Variants in ZNF846 observed in about 807,000 individuals in gnomAD.
ZNF846 encodes zinc finger protein 846, also known as zinc finger protein 420 pseudogene.
ZNF846 carries 15 observed loss-of-function variants against 16.0 expected under a neutral mutation model. That is an observed-to-expected ratio of 0.94 (90% CI 0.63 to 1.45). The LOEUF (loss-of-function observed/expected upper bound fraction) is 1.45. Ranked by LOEUF, ZNF846 falls within the 40% of genes most tolerant of loss-of-function variation. The pLI is 0.00. For missense variants in ZNF846, 714 were observed against 622.3 expected, an observed-to-expected ratio of 1.15 and a Z score of -1.57; for synonymous variants, 229 against 212.0, an observed-to-expected ratio of 1.08 and a Z score of -0.70.
intron 3 of ZNF846, 39 bp from the exon 4 acceptor site, chr19:9,762,207 G>T (rs764436826): frequency 1.1e-5 from 16 of 1,505,088 alleles, no homozygotes; most frequent in Non-Finnish European, 1.5e-5. Flanking sequence ...GCCCATGCAA[G>T]ACATAACACC....
At chr19:9,757,981 A>G in exon 6 of ZNF846, 3 of 1,613,700 alleles carry the variant, frequency 1.9e-6, no homozygotes, top group Non-Finnish European at 2.5e-6. Context: ...TTACATAAAT[A>G]CAGCTTCTCT....
intron 3 of ZNF846, among the ~76,000 whole-genome samples, chr19:9,762,944 G>A (rs1389534958): frequency 6.6e-6 from 1 of 152,150 alleles, no homozygotes; most frequent in African/African-American, 2.4e-5. Flanking sequence ...CAGAGTTTGA[G>A]ACCAGCCTGG....
At chr19:9,756,345 G>GTGTGTATATATGTATA, downstream of ZNF846, 1 of 81,772 alleles carries the variant, frequency 1.2e-5, no homozygotes, top group South Asian at 4.7e-4. Flanking sequence ...GTGTGTGTGT[G>GTGTGTATATATGTATA]TATATATATA....
intron 1 of ZNF846, among the ~76,000 whole-genome samples, chr19:9,775,191 A>ATGTGTG (rs1418132635): frequency 7.4e-5 from 10 of 135,706 alleles, no homozygotes; most frequent in African/African-American, 2.4e-4. Context: ...ATGTGTATAT[A>ATGTGTG]TATGTGTGTG....
intron 4 of ZNF846, among the ~76,000 whole-genome samples, chr19:9,760,630 G>A (rs1225732257): frequency 4.0e-5 from 6 of 151,240 alleles, no homozygotes; most frequent in African/African-American, 1.2e-4. Flanking sequence ...GAAACCAGGA[G>A]GCAGAGGTTG....
In ZNF846 at chr19:9,766,246, C is replaced by G. The variant is rs924813038; in HGVS notation, c.-85-1211G>C. On this transcript the variant is annotated intron_variant, in intron 1 of 5. Transcript: ENST00000397902. ...ATCAGCCTGGTCAACATGGTGAAAC[C>G]CCATCTCTACTAAAAATACAAAGAA... 2.0e-5 allele frequency among the ~76,000 whole-genome samples: 3 copies of G among 151,592 alleles called. No individual in the cohort carries two copies. In the South Asian group the frequency reaches 6.2e-4, roughly 31 times the overall value.
intron 1 of ZNF846, among the ~76,000 whole-genome samples, chr19:9,776,519 G>A (rs561772751): frequency 6.6e-5 from 10 of 152,354 alleles, no homozygotes; most frequent in South Asian, 2.1e-4. Context: ...CAGTGGACAC[G>A]TGACCCACGT....
Position 9,774,730 on chromosome 19 carries a change from T to C in ZNF846, c.-85-9695A>G, listed in dbSNP as rs1289099114. ...TTAAAACAAAGATCTATCACCCAAA[T>C]ATCGACGAAAAGGGGCAGGTCTGTC... On this transcript the variant is annotated intron_variant, in intron 1 of 4. Coordinates refer to the ZNF846 transcript ENST00000586814. 4.5e-6 allele frequency: 7 copies of C among 1,546,132 alleles called. No individual in the cohort carries two copies. In the African/African-American group the frequency reaches 9.6e-5, roughly 21 times the overall value.
At chr19:9,772,479 A>G (rs2145289814), upstream of ZNF846, among the ~76,000 whole-genome samples, 1 of 152,132 alleles carries the variant, frequency 6.6e-6, no homozygotes, top group Admixed American at 6.5e-5. Context: ...ACGCACCTGT[A>G]ATCACAGCTA....
At chr19:9,774,881 T>A in intron 1 of ZNF846, 1 of 1,610,064 alleles carries the variant, frequency 6.2e-7, no homozygotes, top group East Asian at 2.2e-5. Context: ...AGCTGAAGAA[T>A]ACTCTAAGGA....
At position 9,775,616 on chromosome 19, in the gene ZNF846, A is replaced by G. The variant is rs28588486; in HGVS notation, c.-86+10322T>C. Among the ~76,000 whole-genome samples the G allele has an allele frequency of 8.9e-3, 1,363 of 152,322 alleles. 15 individuals carry two copies. Among genetic ancestry groups the G allele is most frequent in the African/African-American group, 0.031 (1,308 of 41,570 alleles). On this transcript the variant is annotated intron_variant, in intron 1 of 4. Transcript: ENST00000586814. ...CCATTCACAAAATAAACTCCAAATG[A>G]ATCAGGGAACTAAATGTGAAAAACA...
At chr19:9,764,445 T>C (rs981344160) in intron 2 of ZNF846, among the ~76,000 whole-genome samples, 1 of 152,218 alleles carries the variant, frequency 6.6e-6, no homozygotes, top group African/African-American at 2.4e-5. Context: ...TACTTCTACA[T>C]ACAAATGTAC....
At chr19:9,763,165 G>T in intron 3 of ZNF846, 117 bp downstream of exon 3, 61 of 789,510 alleles carry the variant, frequency 7.7e-5, no homozygotes, top group Non-Finnish European at 1.0e-4. Context: ...AAAAAGGAAT[G>T]TCCACTGGCC....
At chr19:9,771,516 T>C (rs1039284170), upstream of ZNF846, among the ~76,000 whole-genome samples, 1 of 152,136 alleles carries the variant, frequency 6.6e-6, no homozygotes, top group Non-Finnish European at 1.5e-5. Context: ...TGCATCCTCA[T>C]AGCTTAGTTC....
At chr19:9,755,882 C>A (rs577009405), downstream of ZNF846, among the ~76,000 whole-genome samples, 19 of 143,276 alleles carry the variant, frequency 1.3e-4, no homozygotes, top group Admixed American at 2.8e-4. Context: ...GCTCTGTCAC[C>A]CAGGCTGGAG....
chr19:9,760,013 T>C, intron 4 of ZNF846, 71 bp from the exon 5 acceptor site: 3 of 1,158,264 alleles, frequency 2.6e-6, no homozygotes, highest in Non-Finnish European at 3.8e-6. Context: ...CCTATGGGGC[T>C]GGGCGTGGTG....
At chr19:9,774,983 C>G in intron 1 of ZNF846, 1 of 1,604,084 alleles carries the variant, frequency 6.2e-7, no homozygotes, top group Non-Finnish European at 8.5e-7. Flanking sequence ...TTGGTTCCAG[C>G]AAGTGTAAGC....
chr19:9,755,502 T>A (rs74257269), downstream of ZNF846: 18,461 of 151,328 alleles, frequency 0.12, 1,476 homozygotes, highest in Admixed American at 0.23. Context: ...GAATATGTAC[T>A]GCTAAAAGTA....
chr19:9,762,111 A>C (rs752881726), exon 4 of ZNF846: 2 of 1,614,052 alleles, frequency 1.2e-6, no homozygotes, highest in South Asian at 1.1e-5. Context: ...TCCTGTCCTC[A>C]GCTCTTCCAT....
Sources: gnomAD v4.1 joint callset for allele counts (sites outside exome capture counted in the v4.1 genomes callset) on GRCh38, gnomAD v4.1.1 for gene constraint, MANE v1.5 for transcripts, NCBI Gene and HGNC (gene_info 2026-07-23, HGNC 2026-07-21) for gene names.